PRKD1: variants seen among roughly 807,000 people sequenced by gnomAD.
PRKD1 encodes the protein protein kinase D1, also known as serine/threonine-protein kinase D1.
PRKD1 carries 63 observed loss-of-function variants against 95.9 expected under a neutral mutation model. That is an observed-to-expected ratio of 0.66 (90% CI 0.54 to 0.81). The LOEUF is 0.81. Ranked by LOEUF, PRKD1 falls within the 30% of genes least tolerant of loss-of-function variation. The probability of loss-of-function intolerance (pLI) is 0.00; values close to 1 mark genes in which losing one functional copy is unlikely to be tolerated. For synonymous variants in PRKD1, 425 were observed against 423.1 expected (o/e 1.00, Z -0.05); for missense variants, 1,048 against 1,165.3 (o/e 0.90, Z 1.47).
chr14:29,593,626 T>A (rs574536534), intron 16 of PRKD1, among the ~76,000 whole-genome samples: 1 of 152,306 alleles, frequency 6.6e-6, no homozygotes, highest in Admixed American at 6.5e-5. Context: ...TGCTAGGGTA[T>A]CATTGCTTTA....
At chr14:29,794,568 C>T (rs1415610313) in intron 1 of PRKD1, among the ~76,000 whole-genome samples, 1 of 151,988 alleles carries the variant, frequency 6.6e-6, no homozygotes, top group Non-Finnish European at 1.5e-5. Context: ...ATTTACAAAG[C>T]GTACTGAGTT....
intron 6 of PRKD1, chr14:29,638,271 G>A (rs796434636): frequency 3.7e-6 from 2 of 536,574 alleles, no homozygotes; most frequent in African/African-American, 3.8e-5. Context: ...AATACTAGCT[G>A]CTCACCATGT....
At chr14:29,920,015 GGGAAGGAAGGAAGGAAGGAA>G (rs398043721) in intron 1 of PRKD1, among the ~76,000 whole-genome samples, 26 of 104,432 alleles carry the variant, frequency 2.5e-4, no homozygotes, top group African/African-American at 5.7e-4. Context: ...GAAGGAAGGA[GGGAAGGAAGGAAGGAAGGAA>G]GGAAGGAAGG....
In PRKD1 at chr14:29,624,220, T is replaced by C. The variant is rs1879465313; in HGVS notation, c.1837A>G (p.Ile613Val). The change falls in exon 13 of 18, where the codon ATC becomes GTC. Residue 613 changes from isoleucine to valine, a missense_variant. Around this residue, in one of 3 missense-constraint regions of PRKD1, gnomAD observed 739 missense variants for 861.9 expected, o/e 0.86. Coordinates refer to ENST00000331968, the MANE Select transcript of PRKD1 (RefSeq NM_002742.3). ...RKTGRDVAIK[I>V]IDKLRFPTKQ... ...GTTGGAAATCGTAATTTGTCAATGA[T>C]TTTAATAGCTACATCTCTTCCTGTT... is the stretch of plus-strand genomic sequence containing the variant. 1.2e-6 allele frequency: 2 copies of C among 1,606,488 alleles called. No individual in the cohort carries two copies. Among genetic ancestry groups the C allele is most frequent in the African/African-American group, 1.3e-5 (1 of 74,678 alleles).
intron 1 of PRKD1, among the ~76,000 whole-genome samples, chr14:29,892,280 T>A (rs1594607812): frequency 6.6e-6 from 1 of 152,164 alleles, no homozygotes; most frequent in Non-Finnish European, 1.5e-5. Context: ...GCAGGAGATA[T>A]GGGGTAAGTA....
At chr14:29,735,923 G>A (rs45481391) in intron 1 of PRKD1, among the ~76,000 whole-genome samples, 1,901 of 152,200 alleles carry the variant, frequency 0.012, 44 homozygotes, top group African/African-American at 0.043. Flanking sequence ...AAATTAGGTA[G>A]AATAATACCA....
intron 2 of PRKD1, among the ~76,000 whole-genome samples, chr14:29,678,703 T>C (rs1280285662): frequency 6.6e-6 from 1 of 152,122 alleles, no homozygotes; most frequent in Non-Finnish European, 1.5e-5. Context: ...ATCTAAATCA[T>C]AAAGTAGGTA....
At chr14:29,672,946 T>C (rs1001049984) in intron 2 of PRKD1, among the ~76,000 whole-genome samples, 25 of 151,866 alleles carry the variant, frequency 1.6e-4, no homozygotes, top group African/African-American at 4.8e-4. Flanking sequence ...ACCGGGACAG[T>C]AGGAGTGTTT....
intron 1 of PRKD1, among the ~76,000 whole-genome samples, chr14:29,779,117 A>G (rs1232998222): frequency 3.3e-5 from 5 of 152,188 alleles, no homozygotes; most frequent in Non-Finnish European, 7.3e-5. Context: ...TCAATAAATT[A>G]GGTATTGATG....
At position 29,578,311 on chromosome 14, in the gene PRKD1, G is replaced by A. The variant is rs1892632876; in HGVS notation, c.2484C>T (p.Tyr828=). The A allele has an allele frequency of 6.2e-7, 1 of 1,610,896 alleles. No homozygotes were observed. The highest frequency in any genetic ancestry group is 1.7e-5 in the Admixed American group (1 of 59,616). The change falls in exon 17 of 18, where the codon TAC becomes TAT. Residue 828 remains tyrosine (Y), a synonymous_variant. Coordinates refer to ENST00000331968, the MANE Select transcript of PRKD1 (RefSeq NM_002742.3). ...NLLQVKMRKR[Y]SVDKTLSHPW... is the part of the protein sequence containing the mutation. Reference sequence around the variant, plus strand: ...GGTGGCTCAAGGTCTTATCCACACTGTAGCGCTTTCTCATTTTTACTTGCA... The same window carrying A: ...GGTGGCTCAAGGTCTTATCCACACTATAGCGCTTTCTCATTTTTACTTGCA...
At chr14:29,592,348 T>C (rs1293121444) in intron 16 of PRKD1, among the ~76,000 whole-genome samples, 1 of 152,214 alleles carries the variant, frequency 6.6e-6, no homozygotes, top group Admixed American at 6.5e-5. Context: ...TAATTCATGC[T>C]GGAATGTTTC....
At chr14:29,778,322 C>G (rs1400831488) in intron 1 of PRKD1, among the ~76,000 whole-genome samples, 1 of 151,814 alleles carries the variant, frequency 6.6e-6, no homozygotes, top group African/African-American at 2.4e-5. Flanking sequence ...CACAAAAAAC[C>G]CTTCAAAAAA....
intron 1 of PRKD1, among the ~76,000 whole-genome samples, chr14:29,793,271 A>T (rs1889632490): frequency 1.3e-5 from 2 of 152,002 alleles, no homozygotes; most frequent in Admixed American, 1.3e-4. Context: ...AGTCATCTTT[A>T]AGCTGTTGAC....
rs185389922 is a variant in PRKD1, at chr14:29,677,394, A to T, written c.404-11186T>A. On this transcript the variant is annotated intron_variant, in intron 2 of 17. Coordinates refer to ENST00000331968, the MANE Select transcript of PRKD1 (RefSeq NM_002742.3). Reference sequence around the variant, plus strand: ...AGGGAATTTCTGGAGAACAATTTAGATCAATCAGAATCCAGGCCTACACAT... The same window carrying T: ...AGGGAATTTCTGGAGAACAATTTAGTTCAATCAGAATCCAGGCCTACACAT... Among the ~76,000 whole-genome samples the T allele has an allele frequency of 1.4e-3, 209 of 152,322 alleles. 3 individuals are homozygous for T. The highest frequency in any genetic ancestry group is 2.6e-4 in the Non-Finnish European group (18 of 68,024).
At chr14:29,686,030 G>A (rs1448572784) in intron 2 of PRKD1, among the ~76,000 whole-genome samples, 2 of 152,162 alleles carry the variant, frequency 1.3e-5, no homozygotes, top group African/African-American at 4.8e-5. Flanking sequence ...TATAAGGGGG[G>A]AAGACACGAT....
At chr14:29,925,147 A>C (rs1895252568) in intron 1 of PRKD1, among the ~76,000 whole-genome samples, 2 of 152,164 alleles carry the variant, frequency 1.3e-5, no homozygotes, top group South Asian at 4.1e-4. Context: ...AAACTACTAG[A>C]ATAAATACAA....
intron 1 of PRKD1, among the ~76,000 whole-genome samples, chr14:29,897,478 G>A (rs1457495509): frequency 1.3e-5 from 2 of 152,096 alleles, no homozygotes; most frequent in Non-Finnish European, 2.9e-5. Flanking sequence ...CTGTGATCCA[G>A]TGGAAAAGCA....
chr14:29,925,115 A>T (rs1409202564), intron 1 of PRKD1, among the ~76,000 whole-genome samples: 1 of 152,168 alleles, frequency 6.6e-6, no homozygotes, highest in Non-Finnish European at 1.5e-5. Context: ...CAAACTTTTC[A>T]AACTTCTTTG....
intron 13 of PRKD1, among the ~76,000 whole-genome samples, chr14:29,621,845 T>C (rs1484010416): frequency 1.3e-5 from 2 of 152,192 alleles, no homozygotes; most frequent in Non-Finnish European, 2.9e-5. Flanking sequence ...GTATAAGTAA[T>C]GGAGATGTTT....
Sources: allele counts gnomAD v4.1 joint callset (sites outside exome capture counted in the v4.1 genomes callset), GRCh38; gene constraint gnomAD v4.1.1; regional missense constraint gnomAD v4.1.1; transcripts MANE v1.5; gene names NCBI Gene and HGNC (gene_info 2026-07-23, HGNC 2026-07-21).